Variants in MYO1B observed in about 807,000 individuals in gnomAD.
MYO1B encodes myosin IB, also known as unconventional myosin-Ib.
A neutral mutation model predicts 159.7 loss-of-function variants in MYO1B; 72 were observed. The ratio of observed to expected loss-of-function variants is 0.45; its 90% CI spans 0.37 to 0.55. The LOEUF (loss-of-function observed/expected upper bound fraction) is 0.55, where lower values mean the gene tolerates loss of function less well. MYO1B is among the 20% of genes least tolerant of loss of function. The pLI is 0.00. For synonymous variants in MYO1B, 468 were observed against 473.8 expected, an observed-to-expected ratio of 0.99 and a Z score of 0.16; for missense variants, 1,062 against 1,364.8, an observed-to-expected ratio of 0.78 and a Z score of 3.50.
chr2:191,404,378 C>A (rs1400886), intron 24 of MYO1B, among the ~76,000 whole-genome samples: 148,568 of 152,290 alleles, frequency 0.98, 72,559 homozygotes, highest in Middle Eastern at 1. Flanking sequence ...AACTAAATAT[C>A]GTATGACTTC....
Position 191,344,829 on chromosome 2 carries a change from C to CAAAAA in MYO1B, c.452-1389_452-1385dup, listed in dbSNP as rs10646926. 1.2e-3 allele frequency among the ~76,000 whole-genome samples: 66 copies of CAAAAA among 55,952 alleles called. 1 individual carries two copies. Among genetic ancestry groups the CAAAAA allele is most frequent in the East Asian group, 3.7e-3 (6 of 1,606 alleles). The allele number at this position is 55,952 out of a possible 152,430, so 36.7% of individuals were successfully genotyped here. A position where few individuals can be genotyped will look rare whatever the true frequency, so the allele number is the denominator to read the frequency against. On this transcript the variant is annotated intron_variant, in intron 5 of 30. Transcript: ENST00000392318. Reference sequence around the variant, plus strand: ...TGGGCGACAGAGCGAGACTCCGTCTCAAAAAAAAAAAAAAAAAAAAAAGAA... The same window carrying CAAAAA: ...TGGGCGACAGAGCGAGACTCCGTCTCAAAAAAAAAAAAAAAAAAAAAAAAAAAGAA...
At chr2:191,293,386 A>G (rs1237039402) in intron 2 of MYO1B, among the ~76,000 whole-genome samples, 1 of 152,228 alleles carries the variant, frequency 6.6e-6, no homozygotes, top group Non-Finnish European at 1.5e-5. Context: ...AATCCAGACC[A>G]CAAGAGAGGG....
At chr2:191,261,917 G>A (rs1686835452) in intron 1 of MYO1B, among the ~76,000 whole-genome samples, 1 of 152,004 alleles carries the variant, frequency 6.6e-6, no homozygotes, top group Middle Eastern at 3.4e-3. Context: ...GACTTGTTTA[G>A]GTATGTATCA....
intron 4 of MYO1B, among the ~76,000 whole-genome samples, chr2:191,331,339 A>G (rs1412645039): frequency 6.6e-6 from 1 of 152,034 alleles, no homozygotes; most frequent in Non-Finnish European, 1.5e-5. Flanking sequence ...GGGACAGCCA[A>G]ACTCCTTTTG....
chr2:191,357,634 C>T (rs28581696), intron 7 of MYO1B, among the ~76,000 whole-genome samples: 3,361 of 152,214 alleles, frequency 0.022, 114 homozygotes, highest in African/African-American at 0.075. Context: ...GCTCAATTGG[C>T]GGTGGTAGAA....
chr2:191,353,798 A>G lies in MYO1B; in HGVS notation c.562+3573A>G, dbSNP rs184124203. ...CCTGAGGTATAAATTATGTATTAGT[A>G]TCTAAAGCACTTGTAATAGTGCCTG... is the stretch of plus-strand genomic sequence containing the variant. On this transcript the variant is annotated intron_variant, in intron 7 of 30. Coordinates refer to ENST00000392318, the MANE Select transcript of MYO1B (RefSeq NM_001130158.3). Among the ~76,000 whole-genome samples, 14 of 152,356 alleles carry G rather than the reference A, an allele frequency of 9.2e-5. No individual in the cohort carries two copies. The East Asian group carries it at 2.7e-3, about 29-fold the overall frequency.
chr2:191,290,533 A>G (rs1465247321), intron 2 of MYO1B, among the ~76,000 whole-genome samples: 1 of 152,248 alleles, frequency 6.6e-6, no homozygotes, highest in African/African-American at 2.4e-5. Context: ...TTAGAATCGA[A>G]CAAAAAATAT....
At chr2:191,391,751 TAACTG>T (rs1695766018) in intron 18 of MYO1B, among the ~76,000 whole-genome samples, 1 of 152,220 alleles carries the variant, frequency 6.6e-6, no homozygotes, top group South Asian at 2.1e-4. Flanking sequence ...TTTCAGGAAT[TAACTG>T]AGTGAGTTTA....
chr2:191,375,958 CAA>C (rs56036551), intron 13 of MYO1B, among the ~76,000 whole-genome samples: 11 of 106,258 alleles, frequency 1.0e-4, no homozygotes, highest in Admixed American at 2.0e-4. Flanking sequence ...GACTCCGTAT[CAA>C]AAAAAAAAAA....
chr2:191,284,642 C>CT (rs979929038), intron 2 of MYO1B, among the ~76,000 whole-genome samples: 2 of 151,904 alleles, frequency 1.3e-5, no homozygotes, highest in African/African-American at 4.8e-5. Context: ...TTGATGTTTT[C>CT]TTTTTTTCGA....
chr2:191,399,159 G>A (rs576830375), intron 21 of MYO1B, among the ~76,000 whole-genome samples: 16 of 152,258 alleles, frequency 1.1e-4, no homozygotes, highest in Non-Finnish European at 1.9e-4. Context: ...GCAGGCACTC[G>A]GCAGGCTGAG....
chr2:191,396,314 A>G, intron 20 of MYO1B, 115 bp from the exon 21 acceptor site: 1 of 1,022,016 alleles, frequency 9.8e-7, no homozygotes, highest in South Asian at 1.4e-5. Flanking sequence ...GGTTTCCAGA[A>G]GGAGTATGGA....
In MYO1B at chr2:191,409,941, A is replaced by G. The variant is rs538841215; in HGVS notation, c.2766+763A>G. On this transcript the variant is annotated intron_variant, in intron 26 of 30. Transcript: ENST00000392318. Reference sequence around the variant, plus strand: ...TAGTAAATGAATGCTCAGTACACACATCCTCCAGGAAACTTTCCTGCCCAG... The same window carrying G: ...TAGTAAATGAATGCTCAGTACACACGTCCTCCAGGAAACTTTCCTGCCCAG... Among the ~76,000 whole-genome samples, 99 of 152,284 alleles carry G rather than the reference A, an allele frequency of 6.5e-4. 1 individual carries two copies. The highest frequency in any genetic ancestry group is 1.6e-3 in the Admixed American group (24 of 15,292).
At position 191,411,158 on chromosome 2, in the gene MYO1B, T is replaced by A; in HGVS notation, c.2859T>A (p.Ala953=). 1 of 1,595,862 alleles carries A rather than the reference T, an allele frequency of 6.3e-7. No homozygotes were observed. Among genetic ancestry groups the A allele is most frequent in the Admixed American group, 1.7e-5 (1 of 57,348 alleles). Residue 953 remains alanine, a synonymous_variant, in exon 27 of 31, where the codon GCT becomes GCA. Transcript: ENST00000392318. ...EASELFKDKK[A]LYPSSVGQPF... is the part of the protein sequence containing the mutation. ...GTGAACTCTTCAAAGACAAGAAGGC[T>A]TTATACCCATCTAGGTATTATGGCT...
In MYO1B at chr2:191,417,807, T is replaced by C. The variant is rs200945864; in HGVS notation, c.3287+1565T>C. 9.2e-5 allele frequency among the ~76,000 whole-genome samples: 14 copies of C among 152,364 alleles called. No individual in the cohort carries two copies. The East Asian group carries it at 2.7e-3, about 29-fold the overall frequency. On this transcript the variant is annotated intron_variant, in intron 30 of 30. Coordinates refer to ENST00000392318, the MANE Select transcript of MYO1B (RefSeq NM_001130158.3). The stretch of plus-strand genomic sequence containing the variant: ...CCCTGAAATCTTGTTGTGATTCTCC[T>C]GAGGAGCTTTGCGGGGATAGCGTGT...
intron 8 of MYO1B, among the ~76,000 whole-genome samples, chr2:191,361,103 C>T (rs1438856524): frequency 2.0e-5 from 3 of 152,140 alleles, no homozygotes; most frequent in South Asian, 2.1e-4. Context: ...CTGTGCCATA[C>T]GTCTCCGATG....
intron 21 of MYO1B, among the ~76,000 whole-genome samples, chr2:191,399,074 GC>G (rs1243130995): frequency 6.6e-6 from 1 of 152,178 alleles, no homozygotes; most frequent in Non-Finnish European, 1.5e-5. Flanking sequence ...GACCAGCCCG[GC>G]CAACACAGCA....
At chr2:191,421,070 CTTTTT>C (rs11306202) in intron 30 of MYO1B, among the ~76,000 whole-genome samples, 1 of 115,310 alleles carries the variant, frequency 8.7e-6, no homozygotes. Context: ...TAGTGTGAAT[CTTTTT>C]TTTTTTTTTT....
At chr2:191,293,083 A>G (rs1351883334) in intron 2 of MYO1B, among the ~76,000 whole-genome samples, 1 of 152,214 alleles carries the variant, frequency 6.6e-6, no homozygotes. Flanking sequence ...CATTCACATC[A>G]TGGCTTCCAG....
Sources: allele counts gnomAD v4.1 joint callset (sites outside exome capture counted in the v4.1 genomes callset), GRCh38; gene constraint gnomAD v4.1.1; transcripts MANE v1.5; gene names NCBI Gene and HGNC (gene_info 2026-07-23, HGNC 2026-07-21).